Variants in LY96 observed in about 807,000 individuals in gnomAD.
LY96 encodes the protein myeloid differentiation protein-2.
In LY96, 18 loss-of-function variants were observed where a neutral mutation model predicts 18.9. The observed-to-expected ratio is 0.95, with a 90% confidence interval of 0.66 to 1.41. The LOEUF (loss-of-function observed/expected upper bound fraction) is 1.41, where lower values mean the gene tolerates loss of function less well. LY96 is among the 40% of genes most tolerant of loss of function. The probability of loss-of-function intolerance (pLI) is 0.00; values close to 1 mark genes in which losing one functional copy is unlikely to be tolerated. For synonymous variants in LY96, 66 were observed against 62.6 expected (o/e 1.06, Z -0.26); for missense variants, 175 against 182.4 (o/e 0.96, Z 0.23).
chr8:74,040,076 T>C, the LY96 span, among the ~76,000 whole-genome samples: 3 of 152,198 alleles, frequency 2.0e-5, no homozygotes, highest in South Asian at 4.1e-4. Context: ...GCTCAGCTCT[T>C]GCCTTCTAGG....
At chr8:74,031,507 T>A (rs1025271417), downstream of LY96, among the ~76,000 whole-genome samples, 5 of 151,678 alleles carry the variant, frequency 3.3e-5, no homozygotes, top group Admixed American at 1.3e-4. Flanking sequence ...GCACCTGTAG[T>A]CCCAGCTACT....
At chr8:74,095,438 C>T in the LY96 span, among the ~76,000 whole-genome samples, 1 of 152,104 alleles carries the variant, frequency 6.6e-6, no homozygotes, top group East Asian at 1.9e-4. Flanking sequence ...AGCCACGGTG[C>T]CCCTTTCCCA....
the LY96 span, among the ~76,000 whole-genome samples, chr8:74,054,219 G>A: frequency 3.9e-5 from 6 of 152,192 alleles, no homozygotes; most frequent in South Asian, 6.2e-4. Flanking sequence ...TAGAAATGGG[G>A]TCTCACCACA....
intron 1 of LY96, among the ~76,000 whole-genome samples, chr8:73,994,384 G>A (rs1434608394): frequency 6.6e-6 from 1 of 152,194 alleles, no homozygotes; most frequent in East Asian, 1.9e-4. Context: ...GATTCCTCTA[G>A]GTACCATTGT....
chr8:74,091,463 C>A, the LY96 span, among the ~76,000 whole-genome samples: 63 of 152,290 alleles, frequency 4.1e-4, no homozygotes, highest in Non-Finnish European at 7.6e-4. Context: ...GCAGAGTAAA[C>A]CTCACCCTAC....
intron 3 of LY96, among the ~76,000 whole-genome samples, chr8:74,019,018 A>G (rs1816703442): frequency 6.6e-6 from 1 of 152,222 alleles, no homozygotes; most frequent in South Asian, 2.1e-4. Flanking sequence ...AAAGAACTAG[A>G]GAAGCAAGAG....
chr8:74,032,278 C>T (rs1816984085), downstream of LY96, among the ~76,000 whole-genome samples: 1 of 152,028 alleles, frequency 6.6e-6, no homozygotes, highest in Admixed American at 6.6e-5. Flanking sequence ...GGGAGGAGAC[C>T]ACCCCTCATA....
intron 3 of LY96, among the ~76,000 whole-genome samples, chr8:74,015,296 A>C (rs145466153): frequency 6.6e-6 from 1 of 152,272 alleles, no homozygotes; most frequent in African/African-American, 2.4e-5. Context: ...CCTTAGAAAA[A>C]CAGAAATTTA....
intron 1 of LY96, among the ~76,000 whole-genome samples, chr8:74,002,093 TTCTCTCTCTCTCTCTCTC>T (rs376445801): frequency 1.0e-4 from 4 of 38,700 alleles, no homozygotes; most frequent in Admixed American, 3.6e-4. Flanking sequence ...CTTTCTTTCT[TTCTCTCTCTCTCTCTCTC>T]TCTCTCTCTC....
downstream of LY96, among the ~76,000 whole-genome samples, chr8:74,033,900 CTT>C (rs59809614): frequency 1.4e-5 from 2 of 145,720 alleles, no homozygotes; most frequent in African/African-American, 2.5e-5. Flanking sequence ...CAATTGGAGA[CTT>C]TTTTTTTTTT....
At chr8:74,083,987 A>C in the LY96 span, among the ~76,000 whole-genome samples, 1 of 151,938 alleles carries the variant, frequency 6.6e-6, no homozygotes, top group Admixed American at 6.6e-5. Context: ...GTGTCCAGCC[A>C]AAACTTTTCT....
intron 3 of LY96, among the ~76,000 whole-genome samples, chr8:74,013,376 G>A (rs1442664522): frequency 6.6e-6 from 1 of 151,946 alleles, no homozygotes; most frequent in Non-Finnish European, 1.5e-5. Context: ...GCCTGCCTCG[G>A]CCTCCCAAAG....
At chr8:74,054,623 TC>T in the LY96 span, among the ~76,000 whole-genome samples, 21 of 100,886 alleles carry the variant, frequency 2.1e-4, no homozygotes, top group African/African-American at 8.1e-4. Context: ...TTTCCTTCTT[TC>T]TTTCTTTCTT....
At chr8:74,014,846 CATAT>C (rs1491030647) in intron 3 of LY96, among the ~76,000 whole-genome samples, 1 of 150,400 alleles carries the variant, frequency 6.6e-6, no homozygotes, top group African/African-American at 2.4e-5. Context: ...CACACACACA[CATAT>C]ATCTGTTTCT....
At chr8:74,042,555 C>T in the LY96 span, among the ~76,000 whole-genome samples, 1 of 152,090 alleles carries the variant, frequency 6.6e-6, no homozygotes, top group Non-Finnish European at 1.5e-5. Flanking sequence ...ACTCAAAATT[C>T]TGCTTTTTTA....
At chr8:74,067,516 G>GTT in the LY96 span, among the ~76,000 whole-genome samples, 1 of 151,634 alleles carries the variant, frequency 6.6e-6, no homozygotes, top group South Asian at 2.1e-4. Context: ...CCTTCCATGT[G>GTT]TTTTTTTTGT....
At chr8:74,054,621 T>TTCC in the LY96 span, among the ~76,000 whole-genome samples, 2 of 53,452 alleles carry the variant, frequency 3.7e-5, no homozygotes, top group African/African-American at 1.9e-4. Context: ...CTTTTCCTTC[T>TTCC]TTCTTTCTTT....
chr8:74,085,221 C>T, the LY96 span, among the ~76,000 whole-genome samples: 1 of 152,160 alleles, frequency 6.6e-6, no homozygotes, highest in South Asian at 2.1e-4. Context: ...GATGTGGAAA[C>T]AAAGCTCAGG....
chr8:74,085,656 G>T, the LY96 span, among the ~76,000 whole-genome samples: 1 of 152,114 alleles, frequency 6.6e-6, no homozygotes, highest in South Asian at 2.1e-4. Context: ...TGTTCCTCAA[G>T]CATGCCAAGA....
Sources: gnomAD v4.1 joint callset for allele counts (sites outside exome capture counted in the v4.1 genomes callset) on GRCh38, gnomAD v4.1.1 for gene constraint, MANE v1.5 for transcripts, NCBI Gene and HGNC (gene_info 2026-07-23, HGNC 2026-07-21) for gene names.